Variants in PLEKHM1 observed in about 807,000 individuals in gnomAD.
The protein encoded by PLEKHM1 is pleckstrin homology and RUN domain containing M1, also known as pleckstrin homology domain-containing family M member 1.
PLEKHM1 carries 28 observed loss-of-function variants against 94.3 expected under a neutral mutation model. The observed-to-expected ratio is 0.30, with a 90% CI of 0.22 to 0.41. The LOEUF (loss-of-function observed/expected upper bound fraction) is 0.41. Among genes scored for constraint, PLEKHM1 ranks in the 10% least tolerant of loss-of-function variants. The probability of loss-of-function intolerance (pLI) is 1.00; values close to 1 mark genes in which losing one functional copy is unlikely to be tolerated. For missense variants in PLEKHM1, 907 were observed against 1,358.6 expected, an observed-to-expected ratio of 0.67 and a Z score of 5.22; for synonymous variants, 424 against 581.2, an observed-to-expected ratio of 0.73 and a Z score of 3.89.
intron 11 of PLEKHM1, among the ~76,000 whole-genome samples, chr17:45,438,620 G>T (rs1173656031): frequency 6.6e-6 from 1 of 151,740 alleles, no homozygotes; most frequent in Non-Finnish European, 1.5e-5. Context: ...GCAGTGGCAC[G>T]ATCTCGGCTC....
chr17:45,450,208 C>T (rs1395361901), intron 8 of PLEKHM1, among the ~76,000 whole-genome samples: 1 of 152,112 alleles, frequency 6.6e-6, no homozygotes, highest in African/African-American at 2.4e-5. Context: ...TGCTCATCCA[C>T]CTACCTACCT....
At chr17:45,458,460 A>G in intron 5 of PLEKHM1, 21 bp from the exon 6 acceptor site, 1 of 1,604,074 alleles carries the variant, frequency 6.2e-7, no homozygotes, top group Non-Finnish European at 8.5e-7. Flanking sequence ...AGAAGACAAC[A>G]GTTGTTTGTT....
Position 45,453,251 on chromosome 17 carries a change from G to C in PLEKHM1, c.2497+104C>G, listed in dbSNP as rs773740654. 1 of 969,560 alleles carries C rather than the reference G, an allele frequency of 1.0e-6. No individual in the cohort carries two copies. Among genetic ancestry groups the C allele is most frequent in the Non-Finnish European group, 1.6e-6 (1 of 616,586 alleles). 60.1% of individuals were successfully genotyped at this position (969,560 alleles called of 1,614,324 possible). A position where few individuals can be genotyped will look rare whatever the true frequency, so the allele number is the denominator to read the frequency against. ...TGGCCTCATCCCTAGGGGAAGGATG[G>C]GGGCATTTGCGGGGAGGCAGAAGGG... On this transcript the variant is annotated intron_variant, in intron 7 of 11. Coordinates refer to ENST00000430334, the MANE Select transcript of PLEKHM1 (RefSeq NM_014798.3). The surrounding 1 kb of genome is among the most constrained non-coding windows in gnomAD (Gnocchi z 4.1).
intron 4 of PLEKHM1, among the ~76,000 whole-genome samples, chr17:45,470,728 G>C (rs2051480820): frequency 6.6e-6 from 1 of 150,786 alleles, no homozygotes; most frequent in African/African-American, 2.4e-5. Flanking sequence ...GCGCCATCTC[G>C]GCTCACTGCA....
At position 45,445,627 on chromosome 17, in the gene PLEKHM1, G is replaced by A. The variant is rs770620293; in HGVS notation, c.2680C>T (p.Arg894Trp). Residue 894 changes from arginine (R) to tryptophan (W), a missense_variant, in exon 9 of 12, where the codon CGG becomes TGG. Arg to Trp is a moderately radical substitution (Grantham distance 101, BLOSUM62 -3). Transcript: ENST00000430334. This position sits in a 1 kb window ranked among gnomAD's most constrained non-coding sequence, Gnocchi z 4.2. ...TGCAGGTTGATGAGGGGCTGGGCCC[G>A]GATCTGTGTCAGAAACTTCAGGGCC... ...RQALKFLTQI[R>W]AQPLINLQMV... 31 of 1,613,688 alleles carry A rather than the reference G, an allele frequency of 1.9e-5. No individual in the cohort carries two copies. The highest frequency in any genetic ancestry group is 3.3e-5 in the South Asian group (3 of 91,078).
chr17:45,438,001 G>A (rs1198370271), intron 11 of PLEKHM1, 32 bp from the exon 12 acceptor site: 7 of 1,565,490 alleles, frequency 4.5e-6, no homozygotes, highest in Non-Finnish European at 6.1e-6. Context: ...TGCTGGTGCC[G>A]GCTGGGCTGG....
At chr17:45,435,475 C>G (rs890932609), downstream of PLEKHM1, among the ~76,000 whole-genome samples, 6 of 152,130 alleles carry the variant, frequency 3.9e-5, no homozygotes, top group Non-Finnish European at 5.9e-5. Context: ...CTTAAATAAC[C>G]CTTCTTTCCT....
intron 2 of PLEKHM1, among the ~76,000 whole-genome samples, chr17:45,479,025 T>C (rs1055299943): frequency 4.1e-4 from 4 of 9,848 alleles, no homozygotes; most frequent in African/African-American, 6.8e-4. Context: ...CCTTTTTTTT[T>C]CTTTTTTTTT....
rs559239575 is a variant in PLEKHM1, at chr17:45,468,107, T to C, written c.1308+102A>G. 2.1e-6 allele frequency: 3 copies of C among 1,456,462 alleles called. No homozygotes were observed. The East Asian group carries it at 7.0e-5, about 34-fold the overall frequency. 90.2% of individuals were successfully genotyped at this position (1,456,462 alleles called of 1,614,324 possible). A position where few individuals can be genotyped will look rare whatever the true frequency, so the allele number is the denominator to read the frequency against. ...TATCACTATGCAGGGAGAGGAAGGCTAACAGGGAAAAGGCAGAGACCACTC... is the reference window on the plus strand; with the variant it reads ...TATCACTATGCAGGGAGAGGAAGGCCAACAGGGAAAAGGCAGAGACCACTC... On this transcript the variant is annotated intron_variant, in intron 5 of 11. Coordinates refer to ENST00000430334, the MANE Select transcript of PLEKHM1 (RefSeq NM_014798.3).
At chr17:45,469,919 A>C (rs1398648876) in intron 4 of PLEKHM1, among the ~76,000 whole-genome samples, 1 of 152,116 alleles carries the variant, frequency 6.6e-6, no homozygotes, top group Non-Finnish European at 1.5e-5. Flanking sequence ...CTAAAAATAC[A>C]AAAATTAGCC....
At chr17:45,489,787 A>C (rs1275237916) in intron 1 of PLEKHM1, among the ~76,000 whole-genome samples, 3 of 152,144 alleles carry the variant, frequency 2.0e-5, no homozygotes, top group South Asian at 2.1e-4. Flanking sequence ...CTCTGCACTA[A>C]GTTCTCAGGT....
At chr17:45,435,863 T>C (rs1407148024), downstream of PLEKHM1, 1 of 430,252 alleles carries the variant, frequency 2.3e-6, no homozygotes. Context: ...GTCTCCCCCC[T>C]GGCCGTGGCA....
rs774526454 is a variant in PLEKHM1 at position 45,468,178 on chromosome 17, G to C, written c.1308+31C>G. 5.0e-6 allele frequency: 8 copies of C among 1,612,570 alleles called. No individual in the cohort carries two copies. The African/African-American group carries it at 1.1e-4, about 22-fold the overall frequency. ...CCCTGTGTCAGCTGACATTTCCCAA[G>C]ACTGCCCCCTGAACGGCTTGCACCA... is the stretch of plus-strand genomic sequence containing the variant. On this transcript the variant is annotated intron_variant, in intron 5 of 11. Coordinates refer to ENST00000430334, the MANE Select transcript of PLEKHM1 (RefSeq NM_014798.3).
At chr17:45,461,669 G>A (rs62065392) in intron 5 of PLEKHM1, among the ~76,000 whole-genome samples, 19,658 of 152,098 alleles carry the variant, frequency 0.13, 1,600 homozygotes, top group Middle Eastern at 0.21. Flanking sequence ...GGGAGTCCTG[G>A]CGAGCAGGCC....
chr17:45,477,743 C>T, intron 3 of PLEKHM1, 157 bp downstream of exon 3: 1 of 814,156 alleles, frequency 1.2e-6, no homozygotes, highest in South Asian at 1.5e-5. Context: ...TAGAGATAAG[C>T]CTTTCTAGAA....
downstream of PLEKHM1, among the ~76,000 whole-genome samples, chr17:45,434,967 C>CAAA (rs11369025): frequency 5.7e-4 from 56 of 98,072 alleles, no homozygotes; most frequent in African/African-American, 1.9e-3. Flanking sequence ...AGACTGTATC[C>CAAA]AAAAAAAAAA....
chr17:45,439,708 G>A, intron 10 of PLEKHM1, 74 bp from the exon 11 acceptor site: 1 of 1,591,428 alleles, frequency 6.3e-7, no homozygotes, highest in Non-Finnish European at 8.6e-7. Flanking sequence ...TGAGGCCCCA[G>A]GCCTTTCAAG....
At chr17:45,435,131 G>A (rs1253798257), downstream of PLEKHM1, among the ~76,000 whole-genome samples, 3 of 152,038 alleles carry the variant, frequency 2.0e-5, no homozygotes, top group East Asian at 3.9e-4. Context: ...TCTCTTCTCC[G>A]GGCCTACCAT....
chr17:45,453,794 C>T lies in PLEKHM1; in HGVS notation c.2058G>A (p.Lys686=). ...CCATGTACAAGTACAGCAGGGACTC[C>T]TTGATGGCATCTGGCTCTGGAACCT... The part of the protein sequence containing the change: ...SAQVPEPDAI[K]ESLLYLYMDR... Residue 686 remains lysine, a synonymous_variant, in exon 7 of 12, where the codon AAG becomes AAA. Transcript: ENST00000430334. The surrounding 1 kb of genome is among the most constrained non-coding windows in gnomAD (Gnocchi z 4.1). The T allele has an allele frequency of 6.2e-7, 1 of 1,613,970 alleles. No homozygotes were observed. Among genetic ancestry groups the T allele is most frequent in the Non-Finnish European group, 8.5e-7 (1 of 1,179,836 alleles).
Sources: gnomAD v4.1 joint callset for allele counts (sites outside exome capture counted in the v4.1 genomes callset) on GRCh38, gnomAD v4.1.1 for gene constraint, Gnocchi (gnomAD v3.1) non-coding constraint, MANE v1.5 for transcripts, NCBI Gene and HGNC (gene_info 2026-07-23, HGNC 2026-07-21) for gene names.